The following PCDH15 variants were observed in gnomAD, a reference collection of about 807,000 sequenced individuals.
PCDH15 encodes the protein protocadherin related 15.
PCDH15 carries 129 observed loss-of-function variants against 178.5 expected under a neutral mutation model. The observed-to-expected ratio is 0.72, with a 90% CI of 0.63 to 0.84. PCDH15 has a LOEUF of 0.84. Among genes scored for constraint, PCDH15 ranks in the 40% least tolerant of loss-of-function variants. PCDH15 has a pLI of 0.00. For synonymous variants in PCDH15, 800 were observed against 732.0 expected, an observed-to-expected ratio of 1.09 and a Z score of -1.50; for missense variants, 2,230 against 2,099.9, an observed-to-expected ratio of 1.06 and a Z score of -1.21.
intron 3 of PCDH15, among the ~76,000 whole-genome samples, chr10:54,867,564 G>A (rs1416069431): frequency 6.6e-6 from 1 of 152,036 alleles, no homozygotes; most frequent in Non-Finnish European, 1.5e-5. Flanking sequence ...AGGGGAGTTA[G>A]AATTTAACTT....
chr10:54,744,027 G>A (rs1263703610), intron 1 of PCDH15, among the ~76,000 whole-genome samples: 3 of 152,128 alleles, frequency 2.0e-5, no homozygotes, highest in East Asian at 3.9e-4. Flanking sequence ...GATGACAAAA[G>A]CCTTTGACTT....
intron 2 of PCDH15, among the ~76,000 whole-genome samples, chr10:55,488,940 CT>C (rs1435838510): frequency 6.6e-6 from 1 of 151,270 alleles, no homozygotes; most frequent in Non-Finnish European, 1.5e-5. Context: ...TGTAATCTTT[CT>C]TTTAAAGTGA....
chr10:54,151,229 T>C (rs546808889), intron 14 of PCDH15, among the ~76,000 whole-genome samples: 64 of 152,082 alleles, frequency 4.2e-4, no homozygotes, highest in African/African-American at 1.5e-3. Context: ...GGAAGTATAA[T>C]AGGAAATGAA....
intron 3 of PCDH15, among the ~76,000 whole-genome samples, chr10:54,419,362 C>T (rs1309456039): frequency 1.8e-5 from 2 of 112,484 alleles, no homozygotes; most frequent in Non-Finnish European, 3.7e-5. Flanking sequence ...TGGCTTTTCT[C>T]CATTATAGAG....
chr10:54,356,546 CATACTT>C (rs1229157029), intron 5 of PCDH15, among the ~76,000 whole-genome samples: 15 of 151,408 alleles, frequency 9.9e-5, no homozygotes, highest in African/African-American at 3.4e-4. Flanking sequence ...TAATGTATGA[CATACTT>C]ATATATACAT....
At chr10:55,236,794 T>C (rs17611966) in intron 1 of PCDH15, among the ~76,000 whole-genome samples, 40,843 of 151,742 alleles carry the variant, frequency 0.27, 5,682 homozygotes, top group Middle Eastern at 0.35. Flanking sequence ...ATTTATACAA[T>C]TGGTAAATCA....
chr10:54,502,622 T>C (rs2080800304), intron 3 of PCDH15, among the ~76,000 whole-genome samples: 1 of 152,148 alleles, frequency 6.6e-6, no homozygotes, highest in Non-Finnish European at 1.5e-5. Context: ...TGGTTTAACA[T>C]GTACTTGTTG....
chr10:55,246,652 T>G (rs1841687005), intron 1 of PCDH15, among the ~76,000 whole-genome samples: 1 of 152,182 alleles, frequency 6.6e-6, no homozygotes, highest in African/African-American at 2.4e-5. Flanking sequence ...CGCAAGCCAC[T>G]GTATGTACTC....
chr10:55,089,920 T>C (rs1842271731), intron 2 of PCDH15, among the ~76,000 whole-genome samples: 1 of 152,094 alleles, frequency 6.6e-6, no homozygotes, highest in South Asian at 2.1e-4. Flanking sequence ...ATACACCCCT[T>C]ACAAAAATTG....
intron 2 of PCDH15, among the ~76,000 whole-genome samples, chr10:54,948,429 G>A (rs1838245891): frequency 6.6e-6 from 1 of 151,932 alleles, no homozygotes; most frequent in African/African-American, 2.4e-5. Flanking sequence ...TTAATTTTCT[G>A]TGTAACTTGA....
intron 37 of PCDH15, chr10:53,808,350 A>G: frequency 1.5e-6 from 1 of 673,656 alleles, no homozygotes; most frequent in African/African-American, 2.0e-5. Flanking sequence ...ATATATATAT[A>G]TATGCCATCC....
At chr10:54,247,247 A>G (rs1193581523) in intron 8 of PCDH15, among the ~76,000 whole-genome samples, 4 of 151,930 alleles carry the variant, frequency 2.6e-5, no homozygotes, top group African/African-American at 7.2e-5. Flanking sequence ...ATCTATTTCC[A>G]TAGATAAAAT....
chr10:54,675,464 T>G (rs1013084724), intron 1 of PCDH15, among the ~76,000 whole-genome samples: 11 of 151,312 alleles, frequency 7.3e-5, no homozygotes, highest in South Asian at 2.1e-4. Context: ...CATGTTGTTT[T>G]TTTTTTTTTT....
chr10:54,046,850 A>G (rs1481425772), intron 18 of PCDH15, among the ~76,000 whole-genome samples: 2 of 151,086 alleles, frequency 1.3e-5, no homozygotes, highest in Non-Finnish European at 2.9e-5. Flanking sequence ...CTTAATAAAA[A>G]TCTCCGGATA....
chr10:55,389,451 C>T (rs554068413), intron 2 of PCDH15, among the ~76,000 whole-genome samples: 7 of 151,708 alleles, frequency 4.6e-5, no homozygotes, highest in East Asian at 1.9e-4. Flanking sequence ...TTCTAATTTG[C>T]GACTGTATTA....
At chr10:55,401,394 A>G (rs1838060194) in intron 2 of PCDH15, among the ~76,000 whole-genome samples, 2 of 152,130 alleles carry the variant, frequency 1.3e-5, no homozygotes, top group South Asian at 4.1e-4. Context: ...GTCATATGGG[A>G]GGAATTTGGC....
chr10:53,888,697 A>ATCTATC (rs2081345428), intron 26 of PCDH15, among the ~76,000 whole-genome samples: 1 of 52,030 alleles, frequency 1.9e-5, no homozygotes, highest in African/African-American at 5.7e-5. Flanking sequence ...ATATATATAT[A>ATCTATC]TATATATCTC....
chr10:54,119,721 GA>G (rs2095181771), intron 15 of PCDH15, among the ~76,000 whole-genome samples: 2 of 151,848 alleles, frequency 1.3e-5, no homozygotes, highest in South Asian at 4.2e-4. Context: ...CAATACTTAA[GA>G]AAATTTTTTT....
In PCDH15 at chr10:53,857,163, A is replaced by G; in HGVS notation, c.3806+12T>C. ...TATAAAAATAAATATATAAGGAGAC[A>G]AAATCAATTACTCTGTAAGATCTTC... On this transcript the variant is annotated intron_variant, in intron 28 of 37. Coordinates refer to ENST00000644397, the MANE Select transcript of PCDH15 (RefSeq NM_001384140.1). The G allele has an allele frequency of 6.4e-7, 1 of 1,556,362 alleles. No individual in the cohort carries two copies. The highest frequency in any genetic ancestry group is 1.1e-5 in the South Asian group (1 of 89,166).
Sources: gnomAD v4.1 joint callset for allele counts (sites outside exome capture counted in the v4.1 genomes callset) on GRCh38, gnomAD v4.1.1 for gene constraint, MANE v1.5 for transcripts, NCBI Gene and HGNC (gene_info 2026-07-23, HGNC 2026-07-21) for gene names.